The following KIF26B variants were observed in gnomAD, a reference collection of about 807,000 sequenced individuals.
KIF26B encodes the protein kinesin family member 26B, also known as kinesin-like protein KIF26B.
KIF26B carries 63 observed loss-of-function variants against 151.2 expected under a neutral mutation model. The ratio of observed to expected loss-of-function variants is 0.42; its 90% CI spans 0.34 to 0.51. The LOEUF (loss-of-function observed/expected upper bound fraction) is 0.51, where lower values mean the gene tolerates loss of function less well. Among genes scored for constraint, KIF26B ranks in the 20% least tolerant of loss-of-function variants. The pLI, the probability that KIF26B is intolerant of heterozygous loss-of-function variation, is 0.07. For missense variants in KIF26B, 2,813 were observed against 2,913.6 expected, an observed-to-expected ratio of 0.97 and a Z score of 0.79; for synonymous variants, 1,357 against 1,262.1, an observed-to-expected ratio of 1.08 and a Z score of -1.59.
At chr1:245,387,390 C>G (rs943174152) in intron 3 of KIF26B, among the ~76,000 whole-genome samples, 11 of 15,950 alleles carry the variant, frequency 6.9e-4, no homozygotes, top group African/African-American at 3.5e-3. Context: ...GTTTCAAACT[C>G]TAAGCTCAGG....
intron 2 of KIF26B, among the ~76,000 whole-genome samples, chr1:245,237,042 G>A (rs1670122962): frequency 6.6e-6 from 1 of 152,220 alleles, no homozygotes; most frequent in Admixed American, 6.5e-5. Flanking sequence ...TCACAACGTA[G>A]CAGAATTTGT....
chr1:245,556,328 C>T (rs1662032974), intron 5 of KIF26B, among the ~76,000 whole-genome samples: 2 of 123,378 alleles, frequency 1.6e-5, no homozygotes, highest in African/African-American at 3.2e-5. Context: ...TCTTCTTCCT[C>T]CTTCTTCCTC....
At chr1:245,465,078 A>G (rs1306880423) in intron 4 of KIF26B, among the ~76,000 whole-genome samples, 1 of 147,076 alleles carries the variant, frequency 6.8e-6, no homozygotes, top group Non-Finnish European at 1.5e-5. Flanking sequence ...TCCCGGGTTC[A>G]CGCCATTCTC....
chr1:245,372,197 A>G (rs1322513564), intron 3 of KIF26B, among the ~76,000 whole-genome samples: 1 of 152,082 alleles, frequency 6.6e-6, no homozygotes, highest in African/African-American at 2.4e-5. Flanking sequence ...CCCTACTGTG[A>G]ACTGTGCATG....
chr1:245,565,186 G>A (rs2042997173), intron 5 of KIF26B, among the ~76,000 whole-genome samples: 1 of 152,142 alleles, frequency 6.6e-6, no homozygotes, highest in Non-Finnish European at 1.5e-5. Flanking sequence ...ATTTACTATG[G>A]TGATATTTTA....
At chr1:245,185,725 C>T (rs1213054239) in intron 2 of KIF26B, among the ~76,000 whole-genome samples, 2 of 152,174 alleles carry the variant, frequency 1.3e-5, no homozygotes, top group South Asian at 2.1e-4. Context: ...AGATGATCCC[C>T]TCTCCCATGT....
intron 5 of KIF26B, among the ~76,000 whole-genome samples, chr1:245,570,684 C>T (rs1007829754): frequency 6.6e-6 from 1 of 152,196 alleles, no homozygotes; most frequent in Non-Finnish European, 1.5e-5. Context: ...TAATTCACAC[C>T]AGCTCTTGGT....
chr1:245,476,420 C>G (rs1311858139), intron 4 of KIF26B, among the ~76,000 whole-genome samples: 1 of 151,698 alleles, frequency 6.6e-6, no homozygotes, highest in Non-Finnish European at 1.5e-5. Flanking sequence ...TGAATTTTAT[C>G]TCAATATTAA....
At chr1:245,446,196 GT>G (rs1400512310) in intron 4 of KIF26B, among the ~76,000 whole-genome samples, 1 of 152,196 alleles carries the variant, frequency 6.6e-6, no homozygotes, top group African/African-American at 2.4e-5. Flanking sequence ...GCTTTAGGCA[GT>G]TGTAAGACAG....
chr1:245,348,419 G>A (rs933088929), intron 2 of KIF26B, among the ~76,000 whole-genome samples: 3 of 152,168 alleles, frequency 2.0e-5, no homozygotes, highest in Non-Finnish European at 1.5e-5. Flanking sequence ...GCTTATAAAC[G>A]ACAGAAATGT....
At chr1:245,325,788 T>C (rs1671978779) in intron 2 of KIF26B, among the ~76,000 whole-genome samples, 2 of 152,070 alleles carry the variant, frequency 1.3e-5, no homozygotes, top group African/African-American at 2.4e-5. Context: ...TTCAATCCAA[T>C]GAATCCTGGG....
chr1:245,563,437 A>G lies in KIF26B; in HGVS notation c.1350+22487A>G, dbSNP rs1278866160. ...GCATATACCCTCTTGCTCCCGAATC[A>G]TTAAGAACTCCTGCCCATTGGATGA... On this transcript the variant is annotated intron_variant, in intron 5 of 14. Transcript: ENST00000407071. The surrounding 1 kb of genome is among the most constrained non-coding windows in gnomAD (Gnocchi z 4.6). Among the ~76,000 whole-genome samples the G allele has an allele frequency of 6.6e-6, 1 of 152,232 alleles. No homozygotes were observed. Among genetic ancestry groups the G allele is most frequent in the Admixed American group, 6.5e-5 (1 of 15,288 alleles).
At chr1:245,631,606 T>C (rs1244647798) in intron 9 of KIF26B, among the ~76,000 whole-genome samples, 1 of 152,194 alleles carries the variant, frequency 6.6e-6, no homozygotes, top group Non-Finnish European at 1.5e-5. Flanking sequence ...AATGGTGGCC[T>C]GGTTGCGTGA....
chr1:245,408,104 C>T (rs1484432829), intron 3 of KIF26B, among the ~76,000 whole-genome samples: 1 of 152,154 alleles, frequency 6.6e-6, no homozygotes, highest in Non-Finnish European at 1.5e-5. Flanking sequence ...CTAGGAGTAG[C>T]CTCTGGCCTG....
intron 2 of KIF26B, among the ~76,000 whole-genome samples, chr1:245,231,474 C>A (rs1669996269): frequency 6.6e-6 from 1 of 152,070 alleles, no homozygotes; most frequent in African/African-American, 2.4e-5. Flanking sequence ...CAAGTTCGTG[C>A]CACTGCGCTC....
rs1271851543 is a variant in KIF26B, at chr1:245,685,855, C to A, written c.2872C>A (p.Gln958Lys). The change falls in exon 12 of 15, where the codon CAG (glutamine) becomes AAG (lysine). Residue 958 changes from glutamine to lysine, a missense_variant. Transcript: ENST00000407071. ...EELPAQFGPE[Q>K]ASRGPRLSQA... ...ACTGCCTGCTCAGTTTGGGCCAGAG[C>A]AGGCAAGCAGAGGCCCCCGGTTAAG... is the stretch of plus-strand genomic sequence containing the variant. The A allele has an allele frequency of 6.2e-7, 1 of 1,612,742 alleles. No homozygotes were observed. The highest frequency in any genetic ancestry group is 8.5e-7 in the Non-Finnish European group (1 of 1,179,770).
chr1:245,292,468 G>A (rs772180757), intron 2 of KIF26B, among the ~76,000 whole-genome samples: 8 of 152,204 alleles, frequency 5.3e-5, no homozygotes, highest in Non-Finnish European at 8.8e-5. Context: ...ACTTTAGAGG[G>A]GATGGTGCAC....
Position 245,369,187 on chromosome 1 carries a change from G to GAC in KIF26B, c.999+1821_999+1822insCA, listed in dbSNP as rs1230584827. ...GAAGAGTGAGAGAGAGAGAGAGAGA[G>GAC]AGAGAGAGAGACAGACAGACAGACA... On this transcript the variant is annotated intron_variant, in intron 3 of 14. Transcript: ENST00000407071. Among the ~76,000 whole-genome samples the GAC allele has an allele frequency of 2.2e-4, 31 of 139,658 alleles. 1 individual carries two copies. Among genetic ancestry groups the GAC allele is most frequent in the African/African-American group, 8.0e-4 (28 of 34,874 alleles). 91.6% of individuals were successfully genotyped at this position (139,658 alleles called of 152,430 possible). A position where few individuals can be genotyped will look rare whatever the true frequency, so the allele number is the denominator to read the frequency against.
intron 2 of KIF26B, among the ~76,000 whole-genome samples, chr1:245,189,850 A>C (rs975644181): frequency 3.9e-5 from 6 of 152,324 alleles, no homozygotes; most frequent in Middle Eastern, 3.4e-3. Flanking sequence ...GTGGCTGGGG[A>C]GGCCTCACAA....
Sources: gnomAD v4.1 joint callset for allele counts (sites outside exome capture counted in the v4.1 genomes callset) on GRCh38, gnomAD v4.1.1 for gene constraint, Gnocchi (gnomAD v3.1) non-coding constraint, MANE v1.5 for transcripts, NCBI Gene and HGNC (gene_info 2026-07-23, HGNC 2026-07-21) for gene names.